B3GAT1: variants seen among roughly 807,000 people sequenced by gnomAD.
B3GAT1 encodes galactosylgalactosylxylosylprotein 3-beta-glucuronosyltransferase 1.
Under a neutral mutation model 28.4 loss-of-function variants are expected in B3GAT1, and 11 were observed. That is an observed-to-expected ratio of 0.39 (90% confidence interval 0.24 to 0.64). The LOEUF is 0.64. B3GAT1 is among the 30% of genes least tolerant of loss of function. The pLI is 0.50. For synonymous variants in B3GAT1, 255 were observed against 223.1 expected, an observed-to-expected ratio of 1.14 and a Z score of -1.27; for missense variants, 375 against 491.0, an observed-to-expected ratio of 0.76 and a Z score of 2.23.
intron 5 of B3GAT1, chr11:134,381,526 G>A (rs967343178): frequency 1.0e-5 from 2 of 191,808 alleles, no homozygotes; most frequent in South Asian, 1.2e-4. Context: ...GTGGAGCAGC[G>A]AGTCCGTGAG....
intron 2 of B3GAT1, chr11:134,385,865 G>T (rs1167693276): frequency 1.3e-5 from 2 of 152,214 alleles, no homozygotes; most frequent in Non-Finnish European, 1.5e-5. Context: ...CTTGCTCTTG[G>T]CATGCTCTGG....
At chr11:134,386,576 C>G (rs1289670838) in intron 2 of B3GAT1, 1 of 152,192 alleles carries the variant, frequency 6.6e-6, no homozygotes, top group Admixed American at 6.6e-5. Context: ...GACTTTTCCT[C>G]TCTCCAGCCC....
Position 134,393,659 on chromosome 11 carries a change from T to G in B3GAT1, c.-281-5719A>C, listed in dbSNP as rs942412918. Among the ~76,000 whole-genome samples, 1 of 152,190 alleles carries G rather than the reference T, an allele frequency of 6.6e-6. No individual in the cohort carries two copies. The highest frequency in any genetic ancestry group is 2.4e-5 in the African/African-American group (1 of 41,442). Reference sequence around the variant, plus strand: ...CAACAGTTTACATGACATTCTGTGATGACAGTAGCAAGCGAGACGGTGAGT... The same window carrying G: ...CAACAGTTTACATGACATTCTGTGAGGACAGTAGCAAGCGAGACGGTGAGT... On this transcript the variant is annotated intron_variant, in intron 1 of 5. Coordinates refer to ENST00000312527, the MANE Select transcript of B3GAT1 (RefSeq NM_054025.3). This position sits in a 1 kb window ranked among gnomAD's most constrained non-coding sequence, Gnocchi z 4.0.
At position 134,412,119 on chromosome 11, in the gene B3GAT1, G is replaced by GC. The variant is rs1555100184; in HGVS notation, c.-595_-594insG. Among the ~76,000 whole-genome samples, 6 of 140,790 alleles carry GC rather than the reference G, an allele frequency of 4.3e-5. No homozygotes were observed. The highest frequency in any genetic ancestry group is 9.5e-5 in the Non-Finnish European group (6 of 63,418). The allele number at this position is 140,790 out of a possible 152,430, so 92.4% of individuals were successfully genotyped here. A position where few individuals can be genotyped will look rare whatever the true frequency, so the allele number is the denominator to read the frequency against. Reference sequence around the variant, plus strand: ...GGGGGGCGGGGAGGGGGAGCGGGGAGGGGGAGCGGGGAGCGGGCGCGGGGG... The same window carrying GC: ...GGGGGGCGGGGAGGGGGAGCGGGGAGCGGGGAGCGGGGAGCGGGCGCGGGGG... On this transcript the variant is annotated 5_prime_UTR_variant, in exon 1 of 6. Transcript: ENST00000312527.
At chr11:134,389,174 T>C (rs903069792) in intron 1 of B3GAT1, 2 of 152,398 alleles carry the variant, frequency 1.3e-5, no homozygotes, top group African/African-American at 4.8e-5. Context: ...AGTATCTCAC[T>C]GTGGTTTCAA....
intron 1 of B3GAT1, among the ~76,000 whole-genome samples, chr11:134,404,321 T>C (rs1367862329): frequency 1.3e-5 from 2 of 151,946 alleles, no homozygotes; most frequent in African/African-American, 4.8e-5. Context: ...GTTTCCAGAA[T>C]GGGTACAGAG....
chr11:134,387,410 G>T, intron 2 of B3GAT1, 138 bp downstream of exon 2: 1 of 1,153,294 alleles, frequency 8.7e-7, no homozygotes, highest in Non-Finnish European at 1.2e-6. Flanking sequence ...AGGGGTGCAA[G>T]ACTCATGAAG....
chr11:134,383,111 G>A, intron 3 of B3GAT1, 105 bp from the exon 4 acceptor site: 1 of 1,252,926 alleles, frequency 8.0e-7, no homozygotes, highest in Non-Finnish European at 1.1e-6. Context: ...CTATGCCCAT[G>A]GCCAGCCGCG....
chr11:134,405,430 C>A (rs1303456198), intron 1 of B3GAT1, among the ~76,000 whole-genome samples: 3 of 152,220 alleles, frequency 2.0e-5, no homozygotes, highest in Non-Finnish European at 4.4e-5. Flanking sequence ...CACACTCTGG[C>A]AGGCTAGCAA....
chr11:134,394,238 C>T (rs1944462337), intron 1 of B3GAT1, among the ~76,000 whole-genome samples: 1 of 152,240 alleles, frequency 6.6e-6, no homozygotes, highest in African/African-American at 2.4e-5. Context: ...CAGTAAGACT[C>T]CCTTTTCCAT....
chr11:134,411,212 C>T lies in B3GAT1; in HGVS notation c.-282+595G>A, dbSNP rs1944846846. On this transcript the variant is annotated intron_variant, in intron 1 of 5. Coordinates refer to ENST00000312527, the MANE Select transcript of B3GAT1 (RefSeq NM_054025.3). This position sits in a 1 kb window ranked among gnomAD's most constrained non-coding sequence, Gnocchi z 6.0. ...CTTTGGAGGGATTGGGACCTCAGAC[C>T]TGAGCCCAGGTGCAGATGGGAGGGT... is the stretch of plus-strand genomic sequence containing the variant. Among the ~76,000 whole-genome samples the T allele has an allele frequency of 6.6e-6, 1 of 152,190 alleles. No homozygotes were observed.
chr11:134,408,907 G>A (rs1436466752), intron 1 of B3GAT1, among the ~76,000 whole-genome samples: 2 of 122,156 alleles, frequency 1.6e-5, no homozygotes, highest in African/African-American at 6.5e-5. Flanking sequence ...GGTGAGGAGG[G>A]AGGTGGGATA....
intron 1 of B3GAT1, among the ~76,000 whole-genome samples, chr11:134,407,373 C>T (rs948520659): frequency 2.6e-5 from 4 of 152,222 alleles, no homozygotes; most frequent in Non-Finnish European, 4.4e-5. Context: ...CATTGGCACT[C>T]CCCACGCCGT....
chr11:134,383,053 G>T (rs1211871397), intron 3 of B3GAT1, 47 bp from the exon 4 acceptor site: 3 of 1,489,550 alleles, frequency 2.0e-6, no homozygotes, highest in Non-Finnish European at 2.7e-6. Flanking sequence ...TGCAGATGAG[G>T]ACGGCCGCGC....
At chr11:134,404,307 G>A (rs1052448080) in intron 1 of B3GAT1, among the ~76,000 whole-genome samples, 3 of 151,976 alleles carry the variant, frequency 2.0e-5, no homozygotes, top group Non-Finnish European at 2.9e-5. Context: ...TGCTGAGAAT[G>A]ATGGTTTCCA....
Position 134,387,573 on chromosome 11 carries a change from G to A in B3GAT1, c.87C>T (p.Leu29=), listed in dbSNP as rs943841763. ...LLITVWHQST[L]APLLAVHKDE... ...CCTTATGTACCGCGAGCAGGGGTGCGAGGGTGCTCTGGTGCCAGACAGTGA... is the reference window on the plus strand; with the variant it reads ...CCTTATGTACCGCGAGCAGGGGTGCAAGGGTGCTCTGGTGCCAGACAGTGA... Residue 29 remains leucine (L), a synonymous_variant, in exon 2 of 6, where the codon CTC becomes CTT. Coordinates refer to ENST00000312527, the MANE Select transcript of B3GAT1 (RefSeq NM_054025.3). The A allele has an allele frequency of 3.1e-6, 5 of 1,614,094 alleles. No individual in the cohort carries two copies. The highest frequency in any genetic ancestry group is 1.6e-4 in the Middle Eastern group (1 of 6,062).
intron 1 of B3GAT1, among the ~76,000 whole-genome samples, chr11:134,400,264 C>A (rs558315601): frequency 1.4e-4 from 21 of 152,286 alleles, no homozygotes; most frequent in African/African-American, 4.8e-4. Context: ...CACCCTAGCC[C>A]CGAGCCAGAA....
intron 4 of B3GAT1, among the ~76,000 whole-genome samples, 177 bp from the exon 5 acceptor site, chr11:134,382,201 C>T (rs1944143117): frequency 6.6e-6 from 1 of 152,174 alleles, no homozygotes; most frequent in African/African-American, 2.4e-5. Context: ...CTGTGGCTCT[C>T]GACTACCCCC....
At chr11:134,403,047 C>T (rs1944652814) in intron 1 of B3GAT1, among the ~76,000 whole-genome samples, 1 of 152,188 alleles carries the variant, frequency 6.6e-6, no homozygotes, top group African/African-American at 2.4e-5. Flanking sequence ...TCCTCAGTCT[C>T]AGTGCCCCTG....
Sources: gnomAD v4.1 joint callset for allele counts (sites outside exome capture counted in the v4.1 genomes callset) on GRCh38, gnomAD v4.1.1 for gene constraint, Gnocchi (gnomAD v3.1) non-coding constraint, MANE v1.5 for transcripts, NCBI Gene and HGNC (gene_info 2026-07-23, HGNC 2026-07-21) for gene names.